The following WNK3 variants were observed in gnomAD, a reference collection of about 807,000 sequenced individuals.
The protein encoded by WNK3 is serine/threonine-protein kinase WNK3.
In WNK3, 18 loss-of-function variants were observed where a neutral mutation model predicts 116.7. The observed-to-expected ratio is 0.15, with a 90% confidence interval of 0.11 to 0.23. The LOEUF (loss-of-function observed/expected upper bound fraction) is 0.23. Ranked by LOEUF, WNK3 falls within the 10% of genes least tolerant of loss-of-function variation. WNK3 has a pLI of 1.00. For synonymous variants in WNK3, 404 were observed against 469.4 expected, an observed-to-expected ratio of 0.86 and a Z score of 1.80; for missense variants, 993 against 1,323.8, an observed-to-expected ratio of 0.75 and a Z score of 3.88.
At chrX:54,341,966 A>ATGTCC (rs2069331612) in intron 1 of WNK3, among the ~76,000 whole-genome samples, 1 of 112,194 alleles carries the variant, frequency 8.9e-6, no homozygotes, top group African/African-American at 3.2e-5. Context: ...ATAAAATATG[A>ATGTCC]TGTCCTGGCC....
At chrX:54,289,773 C>T (rs928041432) in intron 10 of WNK3, among the ~76,000 whole-genome samples, 1 of 111,277 alleles carries the variant, frequency 9.0e-6, no homozygotes, top group Non-Finnish European at 1.9e-5. Flanking sequence ...TAGCAGCATT[C>T]TGTGCACTGC....
At chrX:54,264,718 C>T (rs1290123461) in intron 10 of WNK3, among the ~76,000 whole-genome samples, 3 of 111,369 alleles carry the variant, frequency 2.7e-5, no homozygotes, top group African/African-American at 9.8e-5. Flanking sequence ...TGAAAGCAGA[C>T]TTAAATTCCA....
At chrX:54,233,680 T>G (rs1557149567) in intron 20 of WNK3, among the ~76,000 whole-genome samples, 1 of 109,631 alleles carries the variant, frequency 9.1e-6, no homozygotes, top group Non-Finnish European at 1.9e-5. Flanking sequence ...GTATTAATAA[T>G]ATTAACATTT....
At chrX:54,346,906 A>G (rs1460681228) in intron 1 of WNK3, among the ~76,000 whole-genome samples, 1 of 111,874 alleles carries the variant, frequency 8.9e-6, no homozygotes. Flanking sequence ...ACATTAAATG[A>G]TTTTCAGGAG....
intron 22 of WNK3, among the ~76,000 whole-genome samples, chrX:54,202,691 GA>G (rs72453299): frequency 0.13 from 11,378 of 89,780 alleles, 1,241 homozygotes; most frequent in African/African-American, 0.35. Context: ...TCCGTCTCAA[GA>G]AAAAAAAAAA....
chrX:54,210,509 C>A (rs1256320548), intron 22 of WNK3, among the ~76,000 whole-genome samples: 2 of 111,175 alleles, frequency 1.8e-5, no homozygotes, highest in Non-Finnish European at 3.8e-5. Context: ...CGCCTATAGT[C>A]CTGGCTACTT....
rs782086003 is a variant in WNK3, at chrX:54,232,991, G to A, written c.4658C>T (p.Thr1553Ile). Residue 1553 changes from threonine to isoleucine, a missense_variant, in exon 21 of 24, where the codon ACC becomes ATC. This residue lies in a region of WNK3 where 836 missense variants were observed against 976.5 expected (regional missense o/e 0.86). Coordinates refer to ENST00000354646, the Ensembl canonical transcript of WNK3. The stretch of plus-strand genomic sequence containing the variant: ...CTCCTGCAGCTCCTTATTCTGCTGG[G>A]TTTGAAGATTTACCACCTCCTGAAT... 2.1e-5 allele frequency: 25 copies of A among 1,207,637 alleles called. No homozygotes were observed. Among genetic ancestry groups the A allele is most frequent in the African/African-American group, 8.8e-5 (5 of 56,818 alleles).
At chrX:54,340,386 G>A (rs2069304953) in intron 1 of WNK3, among the ~76,000 whole-genome samples, 1 of 110,285 alleles carries the variant, frequency 9.1e-6, no homozygotes, top group Non-Finnish European at 1.9e-5. Context: ...GAGGCGGGTG[G>A]ATCATTTGAG....
At chrX:54,293,432 G>T in intron 8 of WNK3, 105 bp from the exon 9 acceptor site, 1 of 543,609 alleles carries the variant, frequency 1.8e-6, no homozygotes, top group Non-Finnish European at 2.8e-6. Flanking sequence ...TTTACTCTGA[G>T]AACCTGACAT....
chrX:54,229,198 C>T (rs1346129019), intron 21 of WNK3, among the ~76,000 whole-genome samples: 10 of 110,267 alleles, frequency 9.1e-5, no homozygotes, highest in African/African-American at 3.3e-4. Context: ...ATAAATAAAT[C>T]GAAACACATA....
At chrX:54,205,259 CCAACCAACCAAA>C (rs1334494555) in intron 22 of WNK3, among the ~76,000 whole-genome samples, 18 of 93,750 alleles carry the variant, frequency 1.9e-4, no homozygotes, top group Admixed American at 6.7e-4. Context: ...AACCAACCAA[CCAACCAACCAAA>C]CAAACAAACA....
At chrX:54,353,157 C>CT (rs1557178759) in intron 1 of WNK3, among the ~76,000 whole-genome samples, 1 of 111,801 alleles carries the variant, frequency 8.9e-6, no homozygotes, top group Admixed American at 9.6e-5. Flanking sequence ...CAACTGTACA[C>CT]TTTAAAATGG....
At chrX:54,234,714 T>C (rs2067942208) in intron 20 of WNK3, among the ~76,000 whole-genome samples, 1 of 108,044 alleles carries the variant, frequency 9.3e-6, no homozygotes, top group Admixed American at 1.0e-4. Context: ...TAGTCCCAGC[T>C]ACTTGGGAGG....
intron 1 of WNK3, among the ~76,000 whole-genome samples, chrX:54,336,315 G>C (rs2069235283): frequency 9.1e-6 from 1 of 109,866 alleles, no homozygotes; most frequent in Admixed American, 9.8e-5. Context: ...GTGAGACTCT[G>C]TCTCACCCCT....
At chrX:54,334,988 C>T (rs1270533874) in intron 1 of WNK3, among the ~76,000 whole-genome samples, 2 of 111,396 alleles carry the variant, frequency 1.8e-5, no homozygotes, top group Admixed American at 9.7e-5. Context: ...AGGCTGGGCA[C>T]GGTGGCTCAC....
At chrX:54,248,204 C>T (rs1557153073) in intron 17 of WNK3, among the ~76,000 whole-genome samples, 2 of 107,603 alleles carry the variant, frequency 1.9e-5, no homozygotes, top group Non-Finnish European at 3.8e-5. Context: ...CCAGCCTGGG[C>T]GACAGAGCAA....
At chrX:54,308,180 TC>T (rs1197762626) in intron 4 of WNK3, 101 bp from the exon 5 acceptor site, 13 of 734,920 alleles carry the variant, frequency 1.8e-5, no homozygotes, top group Non-Finnish European at 2.5e-5. Context: ...TAATTTCTAC[TC>T]CCCCAAAGCA....
intron 1 of WNK3, among the ~76,000 whole-genome samples, chrX:54,350,113 T>G (rs1557178281): frequency 9.0e-6 from 1 of 111,288 alleles, no homozygotes. Flanking sequence ...CATGTGGACT[T>G]AAAAGCTAAA....
At chrX:54,221,938 C>T (rs988307978) in intron 22 of WNK3, among the ~76,000 whole-genome samples, 2 of 112,093 alleles carry the variant, frequency 1.8e-5, no homozygotes, top group Admixed American at 1.9e-4. Flanking sequence ...GGGTGGATCA[C>T]CTGAGGTCAG....
Sources: gnomAD v4.1 joint callset for allele counts (sites outside exome capture counted in the v4.1 genomes callset) on GRCh38, gnomAD v4.1.1 for gene constraint, gnomAD v4.1.1 regional missense constraint, MANE v1.5 for transcripts, NCBI Gene and HGNC (gene_info 2026-07-23, HGNC 2026-07-21) for gene names.